NCAM1: variants seen among roughly 807,000 people sequenced by gnomAD.
The protein encoded by NCAM1 is antigen recognized by monoclonal antibody 5.1H11.
A neutral mutation model predicts 109.8 loss-of-function variants in NCAM1; 14 were observed. The ratio of observed to expected loss-of-function variants is 0.13; its 90% CI spans 0.08 to 0.20. The LOEUF (loss-of-function observed/expected upper bound fraction) is 0.20, where lower values mean the gene tolerates loss of function less well. Ranked by LOEUF, NCAM1 falls within the 10% of genes least tolerant of loss-of-function variation. NCAM1 has a pLI of 1.00. For missense variants in NCAM1, 774 were observed against 1,109.9 expected (o/e 0.70, Z 4.30); for synonymous variants, 418 against 442.9 (o/e 0.94, Z 0.70).
intron 1 of NCAM1, among the ~76,000 whole-genome samples, chr11:113,191,771 GTGTA>G (rs57216881): frequency 0.08 from 9,452 of 117,620 alleles, 582 homozygotes; most frequent in African/African-American, 0.17. Flanking sequence ...GTGTGTGTGT[GTGTA>G]TATATATATA....
chr11:113,206,579 G>T (rs782558265), intron 5 of NCAM1, among the ~76,000 whole-genome samples: 7 of 152,252 alleles, frequency 4.6e-5, no homozygotes, highest in Non-Finnish European at 2.9e-5. Flanking sequence ...TGGTCCATAG[G>T]CTTGTTAATC....
chr11:113,196,735 C>A (rs1555110887), intron 1 of NCAM1, among the ~76,000 whole-genome samples: 1 of 152,174 alleles, frequency 6.6e-6, no homozygotes. Context: ...GGGCTGGTGT[C>A]CTTGGTCTTA....
intron 1 of NCAM1, among the ~76,000 whole-genome samples, chr11:113,095,752 G>T (rs1047580412): frequency 3.3e-5 from 5 of 152,208 alleles, no homozygotes; most frequent in African/African-American, 1.2e-4. Context: ...CTAAATTTAA[G>T]TTGGGAGCCA....
At chr11:113,009,929 G>C (rs1439132302) in intron 1 of NCAM1, among the ~76,000 whole-genome samples, 1 of 152,000 alleles carries the variant, frequency 6.6e-6, no homozygotes, top group East Asian at 1.9e-4. Context: ...ATGGAAGCTT[G>C]TATTTATCCA....
intron 1 of NCAM1, among the ~76,000 whole-genome samples, chr11:113,052,615 A>C (rs898341843): frequency 2.6e-5 from 4 of 152,232 alleles, no homozygotes; most frequent in Admixed American, 2.0e-4. Flanking sequence ...CTTACCTCAC[A>C]ATAACTGAAG....
chr11:113,055,540 C>T (rs1228143027), intron 1 of NCAM1, among the ~76,000 whole-genome samples: 1 of 152,128 alleles, frequency 6.6e-6, no homozygotes, highest in African/African-American at 2.4e-5. Flanking sequence ...ATTCCTTTTT[C>T]CCTTAACATA....
At chr11:113,080,665 T>C (rs1004895846) in intron 1 of NCAM1, among the ~76,000 whole-genome samples, 12 of 152,192 alleles carry the variant, frequency 7.9e-5, no homozygotes, top group Admixed American at 6.5e-4. Flanking sequence ...AGAACAGTAT[T>C]TTTATAGTGA....
At position 113,148,559 on chromosome 11, in the gene NCAM1, G is replaced by A. The variant is rs1173574789; in HGVS notation, c.53-53820G>A. On this transcript the variant is annotated intron_variant, in intron 1 of 19. Transcript: ENST00000316851. ...TGCTTGAATTCCAGCCCCAAGGTGAGGAAGTGGGCATTCATCCAAGTGAAA... is the reference window on the plus strand; with the variant it reads ...TGCTTGAATTCCAGCCCCAAGGTGAAGAAGTGGGCATTCATCCAAGTGAAA... 3.9e-5 allele frequency among the ~76,000 whole-genome samples: 6 copies of A among 152,102 alleles called. No individual in the cohort carries two copies. In the East Asian group the frequency reaches 9.7e-4, roughly 25 times the overall value.
intron 1 of NCAM1, among the ~76,000 whole-genome samples, chr11:113,072,595 C>A (rs183662757): frequency 6.6e-6 from 1 of 152,066 alleles, no homozygotes; most frequent in Admixed American, 6.6e-5. Context: ...AGAGGGTTAA[C>A]GTTTTGGGAC....
intron 14 of NCAM1, among the ~76,000 whole-genome samples, chr11:113,241,778 G>A (rs1249842969): frequency 6.6e-6 from 1 of 152,208 alleles, no homozygotes; most frequent in Non-Finnish European, 1.5e-5. Context: ...GCCAGCATCT[G>A]CCCAGAGTGG....
chr11:113,236,603 G>T (rs1945175062), intron 14 of NCAM1, among the ~76,000 whole-genome samples: 1 of 152,136 alleles, frequency 6.6e-6, no homozygotes, highest in African/African-American at 2.4e-5. Flanking sequence ...CGGCAAAGAT[G>T]GTGTTTGCTG....
At chr11:113,245,001 AAATTT>A (rs1223548761) in intron 14 of NCAM1, among the ~76,000 whole-genome samples, 1 of 152,192 alleles carries the variant, frequency 6.6e-6, no homozygotes, top group African/African-American at 2.4e-5. Context: ...CTGGCCTCTT[AAATTT>A]AAGGTCAGAA....
intron 1 of NCAM1, among the ~76,000 whole-genome samples, chr11:113,126,897 AC>A (rs1941201207): frequency 6.6e-6 from 1 of 152,184 alleles, no homozygotes; most frequent in Non-Finnish European, 1.5e-5. Context: ...ACACCTCCTA[AC>A]AGTGTGCAAT....
At chr11:113,208,052 T>A in intron 7 of NCAM1, 50 bp downstream of exon 7, 1 of 1,552,274 alleles carries the variant, frequency 6.4e-7, no homozygotes, top group Non-Finnish European at 8.7e-7. Context: ...TTCCCCTTCC[T>A]CTGCACATTC....
At chr11:113,258,200 C>A (rs1326837145) in intron 16 of NCAM1, among the ~76,000 whole-genome samples, 2 of 152,226 alleles carry the variant, frequency 1.3e-5, no homozygotes, top group Non-Finnish European at 2.9e-5. Flanking sequence ...TCCCAGGGCA[C>A]CTGCCTTGTG....
intron 17 of NCAM1, among the ~76,000 whole-genome samples, chr11:113,260,588 T>C (rs1945962933): frequency 6.6e-6 from 1 of 152,194 alleles, no homozygotes; most frequent in South Asian, 2.1e-4. Flanking sequence ...ATCAGTCCAT[T>C]GGACCCCTCA....
chr11:112,985,846 C>A (rs1468790453), intron 1 of NCAM1, among the ~76,000 whole-genome samples: 1 of 151,866 alleles, frequency 6.6e-6, no homozygotes, highest in African/African-American at 2.4e-5. Context: ...ATGTTACCTG[C>A]AAATAGTAAC....
chr11:113,212,702 CCTTT>C (rs1944422553), intron 7 of NCAM1, among the ~76,000 whole-genome samples: 2 of 152,116 alleles, frequency 1.3e-5, no homozygotes, highest in Admixed American at 6.5e-5. Context: ...TCTTACTTTA[CCTTT>C]CTTTTATTTT....
chr11:113,024,563 CTAGGCTT>C (rs1952483608), intron 1 of NCAM1, among the ~76,000 whole-genome samples: 1 of 152,032 alleles, frequency 6.6e-6, no homozygotes, highest in East Asian at 1.9e-4. Context: ...AGAAGGTTTT[CTAGGCTT>C]TAACTTATGC....
Sources: gnomAD v4.1 joint callset for allele counts (sites outside exome capture counted in the v4.1 genomes callset) on GRCh38, gnomAD v4.1.1 for gene constraint, MANE v1.5 for transcripts, NCBI Gene and HGNC (gene_info 2026-07-23, HGNC 2026-07-21) for gene names.